The following MAP4 variants were observed in gnomAD, a reference collection of about 807,000 sequenced individuals.
The protein encoded by MAP4 is microtubule-associated protein 4.
A neutral mutation model predicts 170.2 loss-of-function variants in MAP4; 76 were observed. The ratio of observed to expected loss-of-function variants is 0.45; its 90% confidence interval spans 0.37 to 0.54. The LOEUF (loss-of-function observed/expected upper bound fraction) is 0.54. Among genes scored for constraint, MAP4 ranks in the 20% least tolerant of loss-of-function variants. The pLI, the probability that MAP4 is intolerant of heterozygous loss-of-function variation, is 0.00. For synonymous variants in MAP4, 909 were observed against 994.5 expected, an observed-to-expected ratio of 0.91 and a Z score of 1.62; for missense variants, 2,506 against 2,748.0, an observed-to-expected ratio of 0.91 and a Z score of 1.97.
At chr3:47,969,489 G>A (rs2100077254) in intron 3 of MAP4, among the ~76,000 whole-genome samples, 1 of 151,940 alleles carries the variant, frequency 6.6e-6, no homozygotes, top group African/African-American at 2.4e-5. Flanking sequence ...CAGAGTTGAA[G>A]GATCTCATCC....
intron 1 of MAP4, among the ~76,000 whole-genome samples, chr3:48,000,824 T>G (rs2100098702): frequency 6.6e-6 from 1 of 152,214 alleles, no homozygotes; most frequent in African/African-American, 2.4e-5. Flanking sequence ...TTTCAAGCTG[T>G]TATCCACCGT....
chr3:47,995,126 A>C (rs1452935928), intron 2 of MAP4, among the ~76,000 whole-genome samples: 2 of 152,188 alleles, frequency 1.3e-5, no homozygotes, highest in Non-Finnish European at 2.9e-5. Context: ...CTGTTCAAAA[A>C]ATGTATGAGT....
rs554742703 is a variant in MAP4, at chr3:47,977,823, G to A, written c.292+42C>T. ...GAGATTATCAAGGTGTTCATTGTAA[G>A]TGCATCACCTACACATTTGGGGAAT... On this transcript the variant is annotated intron_variant, in intron 3 of 20. Transcript: ENST00000683076. 1.6e-5 allele frequency: 21 copies of A among 1,318,886 alleles called. No individual in the cohort carries two copies. In the East Asian group the frequency reaches 3.9e-4, roughly 25 times the overall value. The allele number at this position is 1,318,886 out of a possible 1,614,324, so 81.7% of individuals were successfully genotyped here.
chr3:48,087,616 G>C (rs2100149780), intron 1 of MAP4, among the ~76,000 whole-genome samples: 1 of 151,984 alleles, frequency 6.6e-6, no homozygotes, highest in African/African-American at 2.4e-5. Context: ...AATATCCCCT[G>C]ATGCAATGCC....
chr3:47,886,020 G>A (rs2097541607), intron 10 of MAP4, among the ~76,000 whole-genome samples: 2 of 152,148 alleles, frequency 1.3e-5, no homozygotes, highest in Non-Finnish European at 2.9e-5. Context: ...GAGCCACCGC[G>A]CCCGGCTAAT....
intron 1 of MAP4, among the ~76,000 whole-genome samples, chr3:48,011,558 A>G (rs1401727566): frequency 1.3e-5 from 2 of 151,994 alleles, no homozygotes; most frequent in African/African-American, 2.4e-5. Context: ...GTCTCAAAAA[A>G]AAAAAAAAAA....
intron 3 of MAP4, among the ~76,000 whole-genome samples, chr3:47,946,654 CAAAAAAAA>C (rs11427271): frequency 2.5e-5 from 1 of 40,814 alleles, no homozygotes; most frequent in African/African-American, 9.4e-5. Flanking sequence ...AACTCCGTCT[CAAAAAAAA>C]AAAAAAAAAA....
intron 3 of MAP4, among the ~76,000 whole-genome samples, chr3:47,969,491 A>C (rs940821585): frequency 3.3e-5 from 5 of 151,994 alleles, no homozygotes; most frequent in Non-Finnish European, 7.4e-5. Context: ...GAGTTGAAGG[A>C]TCTCATCCTC....
chr3:47,947,105 G>C (rs2100060534), intron 3 of MAP4, among the ~76,000 whole-genome samples: 1 of 152,132 alleles, frequency 6.6e-6, no homozygotes, highest in African/African-American at 2.4e-5. Context: ...AATTATTTAA[G>C]GATATTTAAT....
rs553751567 is a variant in MAP4, at chr3:47,909,021, C to T, written c.5383+17G>A. The T allele has an allele frequency of 6.2e-7, 1 of 1,601,458 alleles. No homozygotes were observed. Among genetic ancestry groups the T allele is most frequent in the South Asian group, 1.1e-5 (1 of 88,920 alleles). On this transcript the variant is annotated intron_variant, in intron 9 of 20. Transcript: ENST00000683076. The stretch of plus-strand genomic sequence containing the variant: ...AAAAGCCACAAGCACACACATTTCC[C>T]CATGGCAGGTTCATACCAGCGGACT...
At chr3:48,082,967 T>G (rs947165860) in intron 1 of MAP4, among the ~76,000 whole-genome samples, 3 of 152,076 alleles carry the variant, frequency 2.0e-5, no homozygotes, top group Non-Finnish European at 4.4e-5. Flanking sequence ...ATGAGAACCA[T>G]TCTACAAATG....
intron 1 of MAP4, among the ~76,000 whole-genome samples, chr3:48,042,228 G>A (rs2100121988): frequency 6.6e-6 from 1 of 152,186 alleles, no homozygotes; most frequent in African/African-American, 2.4e-5. Context: ...CCCTCAACCT[G>A]TGGAATCTTG....
intron 18 of MAP4, among the ~76,000 whole-genome samples, chr3:47,856,326 G>A (rs781274024): frequency 6.6e-6 from 1 of 152,232 alleles, no homozygotes; most frequent in Admixed American, 6.5e-5. Flanking sequence ...AGAGAAGGAA[G>A]TATCTGATAG....
intron 1 of MAP4, among the ~76,000 whole-genome samples, chr3:48,054,224 G>A (rs1467164314): frequency 6.6e-6 from 1 of 152,038 alleles, no homozygotes; most frequent in Non-Finnish European, 1.5e-5. Context: ...CTTGAACCCA[G>A]GAGGCGGAGA....
At position 47,911,478 on chromosome 3, in the gene MAP4, T is replaced by A; in HGVS notation, c.2943A>T (p.Pro981=). 6.5e-7 allele frequency: 1 copy of A among 1,535,960 alleles called. No homozygotes were observed. The change falls in exon 9 of 21, where the codon CCA becomes CCT. Residue 981 remains proline, a synonymous_variant. Transcript: ENST00000683076. This position sits in a 1 kb window ranked among gnomAD's most constrained non-coding sequence, Gnocchi z 4.0. ...NLVPTLIASN[P]LECNLKEGNN... is the part of the protein sequence containing the mutation. Reference sequence around the variant, plus strand: ...TCCCTTCTTTTAGATTACATTCTAATGGATTACTTGCTATCAAAGTGGGTA... The same window carrying A: ...TCCCTTCTTTTAGATTACATTCTAAAGGATTACTTGCTATCAAAGTGGGTA...
chr3:47,899,855 G>A lies in MAP4; in HGVS notation c.5434+3095C>T, dbSNP rs9846669. ...CATTCTGTCTGAGTTTGAAGAAAGC[G>A]CATGGATTCCTGTGTGTCTGGGCAG... is the stretch of plus-strand genomic sequence containing the variant. On this transcript the variant is annotated intron_variant, in intron 10 of 20. Coordinates refer to ENST00000683076, the MANE Select transcript of MAP4 (RefSeq NM_001385682.1). Among the ~76,000 whole-genome samples the A allele has an allele frequency of 2.3e-3, 346 of 152,310 alleles. 1 individual carries two copies. Among genetic ancestry groups the A allele is most frequent in the African/African-American group, 7.8e-3 (324 of 41,560 alleles).
At chr3:47,876,032 A>G in intron 11 of MAP4, 132 bp from the exon 12 acceptor site, 1 of 631,072 alleles carries the variant, frequency 1.6e-6, no homozygotes, top group East Asian at 3.1e-5. Context: ...ATGAGGATAG[A>G]TGCAACTTAA....
intron 9 of MAP4, among the ~76,000 whole-genome samples, chr3:47,904,702 A>C (rs553347563): frequency 2.3e-4 from 33 of 144,050 alleles, no homozygotes; most frequent in African/African-American, 8.3e-4. Flanking sequence ...CACTCACTCT[A>C]TCGCCCAGGC....
Position 47,998,871 on chromosome 3 carries a change from T to G in MAP4, c.-11A>C. ...ACTGAGGTCAGCCATTCTGCACCAC[T>G]GCAACTGCCTGGTGAAGAGGAAAAA... is the stretch of plus-strand genomic sequence containing the variant. On this transcript the variant is annotated 5_prime_UTR_variant, in exon 2 of 21. Coordinates refer to ENST00000683076, the MANE Select transcript of MAP4 (RefSeq NM_001385682.1). 6.4e-7 allele frequency: 1 copy of G among 1,570,248 alleles called. No individual in the cohort carries two copies. The highest frequency in any genetic ancestry group is 8.8e-7 in the Non-Finnish European group (1 of 1,140,132).
Sources: allele counts gnomAD v4.1 joint callset (sites outside exome capture counted in the v4.1 genomes callset), GRCh38; gene constraint gnomAD v4.1.1; non-coding constraint Gnocchi (gnomAD v3.1); transcripts MANE v1.5; gene names NCBI Gene and HGNC (gene_info 2026-07-23, HGNC 2026-07-21).